Variants in CUL3 observed in about 807,000 individuals in gnomAD.
The protein encoded by CUL3 is cullin 3.
A neutral mutation model predicts 89.1 loss-of-function variants in CUL3; 19 were observed. The ratio of observed to expected loss-of-function variants is 0.21; its 90% CI spans 0.15 to 0.31. The LOEUF is 0.31. Among genes scored for constraint, CUL3 ranks in the 10% least tolerant of loss-of-function variants. The pLI, the probability that CUL3 is intolerant of heterozygous loss-of-function variation, is 1.00. For synonymous variants in CUL3, 351 were observed against 308.4 expected (o/e 1.14, Z -1.45); for missense variants, 469 against 942.3 (o/e 0.50, Z 6.58).
chr2:224,530,890 G>A (rs55650048), intron 3 of CUL3, among the ~76,000 whole-genome samples: 2 of 151,898 alleles, frequency 1.3e-5, no homozygotes, highest in African/African-American at 4.8e-5. Flanking sequence ...CTGGGCGACA[G>A]AGCAAGACCC....
intron 1 of CUL3, among the ~76,000 whole-genome samples, chr2:224,579,354 C>T (rs1220623769): frequency 6.6e-6 from 1 of 152,098 alleles, no homozygotes. Context: ...AGACTACCAT[C>T]CAGCTTTCCT....
intron 15 of CUL3, among the ~76,000 whole-genome samples, chr2:224,475,958 A>C (rs1471449617): frequency 6.6e-6 from 1 of 152,162 alleles, no homozygotes; most frequent in Non-Finnish European, 1.5e-5. Context: ...TCACAGGCCA[A>C]ATACACCCCA....
At chr2:224,509,087 C>G (rs932561250) in intron 6 of CUL3, among the ~76,000 whole-genome samples, 3 of 152,114 alleles carry the variant, frequency 2.0e-5, no homozygotes, top group Admixed American at 2.0e-4. Flanking sequence ...GAGAATTTGG[C>G]TTCATAATGG....
At chr2:224,578,807 T>C (rs1286538629) in intron 1 of CUL3, among the ~76,000 whole-genome samples, 2 of 152,132 alleles carry the variant, frequency 1.3e-5, no homozygotes, top group African/African-American at 2.4e-5. Flanking sequence ...CCATGTACTC[T>C]GGAATGAAAA....
rs1340362364 is a variant in CUL3 at position 224,585,265 on chromosome 2, C to G, written c.-256G>C. ...TGGCGCGGCGGCTCCGCGGGGTCCC[C>G]CTCACGTCCGGCTCGGCTCCCTTTA... is the stretch of plus-strand genomic sequence containing the variant. On this transcript the variant is annotated 5_prime_UTR_variant, in exon 1 of 16. Coordinates refer to ENST00000264414, the MANE Select transcript of CUL3 (RefSeq NM_003590.5). 2.5e-6 allele frequency: 1 copy of G among 398,040 alleles called. No individual in the cohort carries two copies. The highest frequency in any genetic ancestry group is 4.4e-6 in the Non-Finnish European group (1 of 226,792). The allele number at this position is 398,040 out of a possible 1,614,324, so 24.7% of individuals were successfully genotyped here.
At chr2:224,483,944 C>T (rs1691623226) in intron 13 of CUL3, among the ~76,000 whole-genome samples, 1 of 152,156 alleles carries the variant, frequency 6.6e-6, no homozygotes, top group Non-Finnish European at 1.5e-5. Flanking sequence ...AATCCCAGCA[C>T]TTTGGGAGAC....
chr2:224,506,962 C>T lies in CUL3; in HGVS notation c.925G>A (p.Gly309Ser). ...ATACACTCACACATTGTTTTCAAAC[C>T]ATTTGGCACACGACTAAATAACTTG... is the stretch of plus-strand genomic sequence containing the variant. Reference protein sequence around the residue: ...MYKLFSRVPNGLKTMCECMSS... With the variant: ...MYKLFSRVPNSLKTMCECMSS... The change falls in exon 7 of 16, where the codon GGT becomes AGT. Residue 309 changes from glycine (G) to serine (S), a missense_variant. Gly to Ser is a moderately conservative substitution (Grantham distance 56). This residue lies in a region of CUL3 where 370 missense variants were observed against 733.2 expected (regional missense o/e 0.50). Coordinates refer to ENST00000264414, the MANE Select transcript of CUL3 (RefSeq NM_003590.5). 6.2e-7 allele frequency: 1 copy of T among 1,613,448 alleles called. No homozygotes were observed. The highest frequency in any genetic ancestry group is 8.5e-7 in the Non-Finnish European group (1 of 1,179,652).
chr2:224,539,673 G>A (rs937015909), intron 2 of CUL3, among the ~76,000 whole-genome samples: 1 of 151,754 alleles, frequency 6.6e-6, no homozygotes, highest in South Asian at 2.1e-4. Context: ...TAACTTAAAC[G>A]CATATTACAA....
chr2:224,476,751 C>G (rs898134792), intron 15 of CUL3, among the ~76,000 whole-genome samples: 4 of 152,080 alleles, frequency 2.6e-5, no homozygotes, highest in African/African-American at 9.7e-5. Flanking sequence ...TGGTATTTAT[C>G]CCTTCATCTC....
intron 3 of CUL3, among the ~76,000 whole-genome samples, chr2:224,521,491 C>A (rs1225493802): frequency 6.6e-6 from 1 of 150,702 alleles, no homozygotes; most frequent in East Asian, 1.9e-4. Context: ...AGTGCAGTGG[C>A]ACGATCTCGG....
intron 2 of CUL3, among the ~76,000 whole-genome samples, chr2:224,550,137 A>C (rs1354632782): frequency 6.6e-6 from 1 of 151,990 alleles, no homozygotes; most frequent in Non-Finnish European, 1.5e-5. Context: ...GGTACTCCTC[A>C]CCCTAAATGC....
intron 3 of CUL3, among the ~76,000 whole-genome samples, chr2:224,525,980 C>T (rs1693458123): frequency 6.6e-6 from 1 of 152,202 alleles, no homozygotes; most frequent in South Asian, 2.1e-4. Context: ...TGAAACTGCA[C>T]AAAGTATGTG....
Position 224,585,176 on chromosome 2 carries a change from G to GGC in CUL3, c.-168_-167insGC. On this transcript the variant is annotated 5_prime_UTR_variant, in exon 1 of 16. Transcript: ENST00000264414. The stretch of plus-strand genomic sequence containing the variant: ...CCCTGGGCAGCCGCGGCGGCGGCGG[G>GGC]GGCGGCGGCGGCGGCGGCGGCGGCT... 3.8e-6 allele frequency: 1 copy of GGC among 261,002 alleles called. No homozygotes were observed. Among genetic ancestry groups the GGC allele is most frequent in the East Asian group, 7.9e-5 (1 of 12,606 alleles). The allele number at this position is 261,002 out of a possible 1,614,324, so 16.2% of individuals were successfully genotyped here.
At position 224,473,388 on chromosome 2, in the gene CUL3, C is replaced by A. The variant is rs1315668405; in HGVS notation, c.*857G>T. The A allele has an allele frequency of 5.2e-6, 1 of 192,946 alleles. No individual in the cohort carries two copies. Among genetic ancestry groups the A allele is most frequent in the Non-Finnish European group, 1.1e-5 (1 of 92,248 alleles). 12.0% of individuals were successfully genotyped at this position (192,946 alleles called of 1,614,324 possible). On this transcript the variant is annotated 3_prime_UTR_variant, in exon 16 of 16. Coordinates refer to ENST00000264414, the MANE Select transcript of CUL3 (RefSeq NM_003590.5). The stretch of plus-strand genomic sequence containing the variant: ...ACCAGCTGCCAACTTTGTGCTCTGA[C>A]ATACTTGAATTAGTGGGTATGTGTA...
chr2:224,523,398 A>AC (rs1009449456), intron 3 of CUL3, among the ~76,000 whole-genome samples: 4 of 151,858 alleles, frequency 2.6e-5, no homozygotes, highest in East Asian at 1.9e-4. Flanking sequence ...AAAAAAAAAA[A>AC]ACACAAAACA....
intron 1 of CUL3, among the ~76,000 whole-genome samples, chr2:224,576,180 T>G (rs774314332): frequency 7.2e-5 from 11 of 152,162 alleles, no homozygotes; most frequent in African/African-American, 2.7e-4. Flanking sequence ...AGGACTGTAA[T>G]AGAAACCTCA....
chr2:224,583,386 T>G (rs184581006), intron 1 of CUL3, among the ~76,000 whole-genome samples: 2 of 152,144 alleles, frequency 1.3e-5, no homozygotes, highest in African/African-American at 4.8e-5. Flanking sequence ...ATCTGTTGTA[T>G]ACAACTATTA....
intron 1 of CUL3, among the ~76,000 whole-genome samples, 192 bp downstream of exon 1, chr2:224,584,727 AGGCCCGGGCTCCCGGCGCGGGGAAC>A (rs1318674523): frequency 5.4e-5 from 8 of 147,158 alleles, no homozygotes; most frequent in Non-Finnish European, 1.2e-4. Flanking sequence ...GCGCGGCGCC[AGGCCCGGGCTCCCGGCGCGGGGAAC>A]GGCCCGGGAG....
Position 224,558,534 on chromosome 2 carries a change from C to A in CUL3, c.67-678G>T, listed in dbSNP as rs142826487. On this transcript the variant is annotated intron_variant, in intron 1 of 15. Coordinates refer to ENST00000264414, the MANE Select transcript of CUL3 (RefSeq NM_003590.5). ...TTATGCCAATAAAACCTGCTAGGTT[C>A]TTGTGCTCAAAGTGCCAAGTTATTG... 3.8e-4 allele frequency among the ~76,000 whole-genome samples: 58 copies of A among 152,298 alleles called. No homozygotes were observed. The East Asian group carries it at 8.1e-3, about 21-fold the overall frequency.
Sources: gnomAD v4.1 joint callset for allele counts (sites outside exome capture counted in the v4.1 genomes callset) on GRCh38, gnomAD v4.1.1 for gene constraint, gnomAD v4.1.1 regional missense constraint, MANE v1.5 for transcripts, NCBI Gene and HGNC (gene_info 2026-07-23, HGNC 2026-07-21) for gene names.